Variants in GTF2H1 observed in about 807,000 individuals in gnomAD.
GTF2H1 encodes general transcription factor IIH subunit 1.
In GTF2H1, 16 loss-of-function variants were observed where a neutral mutation model predicts 71.2. That is an observed-to-expected ratio of 0.22 (90% confidence interval 0.15 to 0.34). GTF2H1 has a LOEUF of 0.34. Ranked by LOEUF, GTF2H1 falls within the 10% of genes least tolerant of loss-of-function variation. The pLI is 1.00. For missense variants in GTF2H1, 498 were observed against 648.2 expected, an observed-to-expected ratio of 0.77 and a Z score of 2.52; for synonymous variants, 215 against 219.0, an observed-to-expected ratio of 0.98 and a Z score of 0.16.
intron 7 of GTF2H1, among the ~76,000 whole-genome samples, chr11:18,343,672 T>G (rs1308873396): frequency 2.0e-5 from 3 of 152,232 alleles, no homozygotes; most frequent in Admixed American, 6.5e-5. Context: ...GCTGCCTACT[T>G]GACATCTCCT....
intron 1 of GTF2H1, among the ~76,000 whole-genome samples, chr11:18,328,512 CAAA>C (rs34390516): frequency 1.1e-5 from 1 of 94,210 alleles, no homozygotes; most frequent in Non-Finnish European, 2.2e-5. Context: ...GACTCCATCT[CAAA>C]AAAAAAAAAA....
chr11:18,349,316 A>T (rs1182900588), intron 9 of GTF2H1, among the ~76,000 whole-genome samples: 6 of 152,230 alleles, frequency 3.9e-5, no homozygotes, highest in African/African-American at 1.4e-4. Flanking sequence ...TTAGAGAAGA[A>T]ATCTATTAAG....
At chr11:18,353,114 A>G (rs1361142248) in intron 11 of GTF2H1, among the ~76,000 whole-genome samples, 2 of 152,196 alleles carry the variant, frequency 1.3e-5, no homozygotes, top group East Asian at 3.8e-4. Flanking sequence ...AATCCCAGCT[A>G]CTCAAGACGC....
At chr11:18,347,783 T>C (rs1865332084) in intron 8 of GTF2H1, 49 bp from the exon 9 acceptor site, 1 of 1,595,524 alleles carries the variant, frequency 6.3e-7, no homozygotes, top group Non-Finnish European at 8.6e-7. Context: ...TGTGGTGTTG[T>C]TTTGCTTGTG....
At chr11:18,329,264 C>T (rs1283071158) in intron 1 of GTF2H1, among the ~76,000 whole-genome samples, 1 of 152,194 alleles carries the variant, frequency 6.6e-6, no homozygotes, top group African/African-American at 2.4e-5. Context: ...ATAATGCAGA[C>T]TATCTCCACC....
intron 3 of GTF2H1, among the ~76,000 whole-genome samples, chr11:18,337,170 TG>T (rs2133962655): frequency 6.6e-6 from 1 of 152,336 alleles, no homozygotes; most frequent in Admixed American, 6.5e-5. Context: ...GGCTCATGCC[TG>T]TAGTCTCAGC....
chr11:18,352,562 C>G (rs1243520351), intron 11 of GTF2H1, 116 bp downstream of exon 11: 2 of 510,462 alleles, frequency 3.9e-6, no homozygotes, highest in African/African-American at 3.9e-5. Context: ...AGACATAGTT[C>G]TGCTAAATAA....
chr11:18,361,549 G>A (rs916898416), intron 14 of GTF2H1, among the ~76,000 whole-genome samples: 3 of 152,226 alleles, frequency 2.0e-5, no homozygotes, highest in Middle Eastern at 3.4e-3. Flanking sequence ...CATGCCTGTA[G>A]TCCCAGCTAC....
At position 18,341,930 on chromosome 11, in the gene GTF2H1, T is replaced by C. The variant is rs1027862442; in HGVS notation, c.837+323T>C. The stretch of plus-strand genomic sequence containing the variant: ...AGCTAACATTTAATCTAAAGAAATA[T>C]GGATAAATTAATAAATAAGGAAGAT... On this transcript the variant is annotated intron_variant, in intron 7 of 14. Coordinates refer to ENST00000265963, the MANE Select transcript of GTF2H1 (RefSeq NM_005316.4). 108 of 185,432 alleles carry C rather than the reference T, an allele frequency of 5.8e-4. 1 individual carries two copies. Among genetic ancestry groups the C allele is most frequent in the Non-Finnish European group, 8.9e-5 (8 of 90,066 alleles). 11.5% of individuals were successfully genotyped at this position (185,432 alleles called of 1,614,324 possible). A position where few individuals can be genotyped will look rare whatever the true frequency, so the allele number is the denominator to read the frequency against.
At chr11:18,346,102 A>G (rs1865287616) in intron 7 of GTF2H1, among the ~76,000 whole-genome samples, 1 of 152,152 alleles carries the variant, frequency 6.6e-6, no homozygotes, top group African/African-American at 2.4e-5. Flanking sequence ...TATGAGTCTC[A>G]TGATCTTTCT....
At chr11:18,352,597 G>A (rs1865452155) in intron 11 of GTF2H1, 151 bp downstream of exon 11, 2 of 491,316 alleles carry the variant, frequency 4.1e-6, no homozygotes, top group East Asian at 6.6e-5. Flanking sequence ...GAGGTAGCAA[G>A]AAAAGGTGTT....
chr11:18,356,458 CAT>C (rs1440229668), intron 11 of GTF2H1, among the ~76,000 whole-genome samples: 3 of 151,518 alleles, frequency 2.0e-5, no homozygotes, highest in African/African-American at 7.3e-5. Context: ...CTAGAAAATA[CAT>C]ATGTGTACAT....
At chr11:18,324,026 T>C (rs1025736017) in intron 1 of GTF2H1, among the ~76,000 whole-genome samples, 17 of 151,382 alleles carry the variant, frequency 1.1e-4, no homozygotes, top group Non-Finnish European at 2.2e-4. Context: ...AAAAAAGAGA[T>C]GGTCTGCTAT....
At chr11:18,334,387 T>C (rs529269369) in intron 2 of GTF2H1, among the ~76,000 whole-genome samples, 1 of 152,262 alleles carries the variant, frequency 6.6e-6, no homozygotes, top group South Asian at 2.1e-4. Context: ...AAAAGACATA[T>C]ATTTCTGAGA....
At position 18,341,578 on chromosome 11, in the gene GTF2H1, A is replaced by G. The variant is rs1385310302; in HGVS notation, c.808A>G (p.Thr270Ala). Residue 270 changes from threonine to alanine, a missense_variant, in exon 7 of 15, where the codon ACA becomes GCA. By Grantham distance (58) the Thr-to-Ala change is moderately conservative. Around this residue, in one of 3 missense-constraint regions of GTF2H1, gnomAD observed 16 missense variants for 40.5 expected, o/e 0.40. Transcript: ENST00000265963. ...LGVKNPLLDL[T>A]ALEDKPLDEG... ...AGTGAAAAACCCACTACTAGATTTA[A>G]CAGCTTTGGAAGATAAACCATTAGA... The G allele has an allele frequency of 2.5e-6, 4 of 1,609,606 alleles. No homozygotes were observed. In the East Asian group the frequency reaches 8.9e-5, roughly 36 times the overall value.
chr11:18,337,066 A>G (rs1251295598), intron 3 of GTF2H1, among the ~76,000 whole-genome samples: 2 of 152,112 alleles, frequency 1.3e-5, no homozygotes, highest in African/African-American at 4.8e-5. Context: ...TTCCTTATGA[A>G]TTATTCCATC....
At chr11:18,335,458 C>T (rs772712121) in intron 2 of GTF2H1, among the ~76,000 whole-genome samples, 1 of 152,152 alleles carries the variant, frequency 6.6e-6, no homozygotes, top group Non-Finnish European at 1.5e-5. Context: ...GAGGTCTGCC[C>T]TGCCCTAGTT....
chr11:18,328,219 A>ATTTTATGG (rs1436674381), intron 1 of GTF2H1, among the ~76,000 whole-genome samples: 2 of 146,568 alleles, frequency 1.4e-5, no homozygotes, highest in Non-Finnish European at 1.5e-5. Flanking sequence ...AAAAAAAAAA[A>ATTTTATGG]AGAATATGGG....
chr11:18,334,478 T>C (rs1864977969), intron 2 of GTF2H1, among the ~76,000 whole-genome samples: 1 of 152,252 alleles, frequency 6.6e-6, no homozygotes, highest in African/African-American at 2.4e-5. Flanking sequence ...AAATTAGCAG[T>C]ATTAGCGTCT....
Sources: allele counts gnomAD v4.1 joint callset (sites outside exome capture counted in the v4.1 genomes callset), GRCh38; gene constraint gnomAD v4.1.1; regional missense constraint gnomAD v4.1.1; transcripts MANE v1.5; gene names NCBI Gene and HGNC (gene_info 2026-07-23, HGNC 2026-07-21).